The following DCAF5 variants were observed in gnomAD, a reference collection of about 807,000 sequenced individuals.
DCAF5 encodes DDB1- and CUL4-associated factor 5.
In DCAF5, 9 loss-of-function variants were observed where a neutral mutation model predicts 80.7. The observed-to-expected ratio is 0.11, with a 90% CI of 0.07 to 0.19. DCAF5 has a LOEUF of 0.19. Ranked by LOEUF, DCAF5 falls within the 10% of genes least tolerant of loss-of-function variation. The pLI is 1.00. For missense variants in DCAF5, 842 were observed against 1,205.7 expected (o/e 0.70, Z 4.47); for synonymous variants, 433 against 461.9 (o/e 0.94, Z 0.80).
intron 3 of DCAF5, 192 bp downstream of exon 3, chr14:69,119,002 C>CA (rs1245413215): frequency 1.7e-5 from 10 of 572,940 alleles, no homozygotes; most frequent in African/African-American, 1.7e-4. Context: ...TCAAAACTTT[C>CA]AAATCCCTTT....
At chr14:69,124,107 CATA>C (rs575175163) in intron 1 of DCAF5, among the ~76,000 whole-genome samples, 1 of 152,302 alleles carries the variant, frequency 6.6e-6, no homozygotes, top group Admixed American at 6.5e-5. Flanking sequence ...ACTCCCTTAG[CATA>C]ATGTCTTCAA....
At chr14:69,132,969 T>C (rs943797399) in intron 1 of DCAF5, among the ~76,000 whole-genome samples, 11 of 152,208 alleles carry the variant, frequency 7.2e-5, no homozygotes, top group African/African-American at 2.2e-4. Context: ...ATTAATGAGA[T>C]AGATCTGTGT....
chr14:69,106,471 C>T (rs537987438), intron 5 of DCAF5, among the ~76,000 whole-genome samples: 1 of 152,194 alleles, frequency 6.6e-6, no homozygotes, highest in South Asian at 2.1e-4. Context: ...TGGGCTCAAG[C>T]GATCCTCCTG....
intron 7 of DCAF5, among the ~76,000 whole-genome samples, chr14:69,071,899 C>T (rs1459433537): frequency 1.3e-5 from 2 of 152,146 alleles, no homozygotes; most frequent in East Asian, 3.8e-4. Flanking sequence ...GTCCTGAAGC[C>T]ATGTTGAAGA....
rs993158568 is a variant in DCAF5 at position 69,053,705 on chromosome 14, T to C, written c.*152A>G. ...AGACATTCAGACCCGTTGTTGAATGTTGGATAGAAGGGAGCAGCATCAGAC... is the reference window on the plus strand; with the variant it reads ...AGACATTCAGACCCGTTGTTGAATGCTGGATAGAAGGGAGCAGCATCAGAC... On this transcript the variant is annotated 3_prime_UTR_variant, in exon 9 of 9. Transcript: ENST00000341516. 4.4e-6 allele frequency: 3 copies of C among 683,706 alleles called. No homozygotes were observed. The highest frequency in any genetic ancestry group is 4.2e-5 in the South Asian group (2 of 47,888). 42.4% of individuals were successfully genotyped at this position (683,706 alleles called of 1,614,324 possible).
chr14:69,136,431 A>G (rs1420417686), intron 1 of DCAF5, among the ~76,000 whole-genome samples: 1 of 152,106 alleles, frequency 6.6e-6, no homozygotes, highest in Non-Finnish European at 1.5e-5. Context: ...TTTTCTTTAT[A>G]TACTTCAGCT....
chr14:69,109,833 T>C (rs1282761880), intron 5 of DCAF5, among the ~76,000 whole-genome samples: 2 of 152,216 alleles, frequency 1.3e-5, no homozygotes, highest in African/African-American at 4.8e-5. Flanking sequence ...CTCTTAGATA[T>C]ACTTAAGAGT....
intron 5 of DCAF5, among the ~76,000 whole-genome samples, chr14:69,094,044 T>G (rs555194631): frequency 6.6e-6 from 1 of 152,146 alleles, no homozygotes; most frequent in East Asian, 1.9e-4. Context: ...TCAAAAACAA[T>G]GAGAGGCTTT....
At chr14:69,098,149 T>TCTC (rs57794177) in intron 5 of DCAF5, among the ~76,000 whole-genome samples, 1 of 150,474 alleles carries the variant, frequency 6.6e-6, no homozygotes, top group Non-Finnish European at 1.5e-5. Flanking sequence ...AGGACTCTCT[T>TCTC]ACCTTATTCA....
chr14:69,127,854 C>T (rs2040923704), intron 1 of DCAF5, among the ~76,000 whole-genome samples: 1 of 152,084 alleles, frequency 6.6e-6, no homozygotes, highest in African/African-American at 2.4e-5. Context: ...AATCCTTCTA[C>T]CAGTAATAAT....
chr14:69,060,537 C>T (rs2038167953), intron 8 of DCAF5, among the ~76,000 whole-genome samples: 1 of 147,654 alleles, frequency 6.8e-6, no homozygotes, highest in Admixed American at 6.8e-5. Flanking sequence ...TATTATATTT[C>T]TTTTTTTTTT....
chr14:69,144,400 G>A (rs977586986), intron 1 of DCAF5, among the ~76,000 whole-genome samples: 12 of 151,862 alleles, frequency 7.9e-5, no homozygotes, highest in Non-Finnish European at 1.3e-4. Context: ...GTGAAACCCC[G>A]TCTCTACTAA....
chr14:69,087,100 CCAG>C (rs1352365932), intron 6 of DCAF5, among the ~76,000 whole-genome samples: 1 of 152,168 alleles, frequency 6.6e-6, no homozygotes, highest in African/African-American at 2.4e-5. Flanking sequence ...GACTTGCTTA[CCAG>C]AAGCCTGAGC....
chr14:69,096,477 T>G (rs567008609), intron 5 of DCAF5, among the ~76,000 whole-genome samples: 3 of 152,374 alleles, frequency 2.0e-5, no homozygotes, highest in Non-Finnish European at 2.9e-5. Flanking sequence ...CTTGACTAAA[T>G]TTCTGTAAAG....
intron 1 of DCAF5, among the ~76,000 whole-genome samples, chr14:69,139,952 G>T (rs1353262332): frequency 6.6e-6 from 1 of 151,396 alleles, no homozygotes; most frequent in Non-Finnish European, 1.5e-5. Context: ...GAAAGGGAAG[G>T]AAAGGAGAAA....
Position 69,118,113 on chromosome 14 carries a change from A to T in DCAF5, c.535+26T>A. On this transcript the variant is annotated intron_variant, in intron 4 of 8. Coordinates refer to ENST00000341516, the MANE Select transcript of DCAF5 (RefSeq NM_003861.3). The surrounding 1 kb of genome is among the most constrained non-coding windows in gnomAD (Gnocchi z 4.0). ...GACATCAAACTGTTCAACACAGTCCAACAGTCATTTGCACAGTGAGCCTAC... is the reference window on the plus strand; with the variant it reads ...GACATCAAACTGTTCAACACAGTCCTACAGTCATTTGCACAGTGAGCCTAC... The T allele has an allele frequency of 6.2e-7, 1 of 1,613,524 alleles. No individual in the cohort carries two copies. The highest frequency in any genetic ancestry group is 8.5e-7 in the Non-Finnish European group (1 of 1,179,596).
At chr14:69,097,083 GC>G (rs1314559064) in intron 5 of DCAF5, among the ~76,000 whole-genome samples, 1 of 152,102 alleles carries the variant, frequency 6.6e-6, no homozygotes, top group Non-Finnish European at 1.5e-5. Flanking sequence ...AGGTGACAAG[GC>G]CACAAAGCTA....
chr14:69,129,497 G>C (rs1433801029), intron 1 of DCAF5, among the ~76,000 whole-genome samples: 1 of 152,198 alleles, frequency 6.6e-6, no homozygotes, highest in Non-Finnish European at 1.5e-5. Context: ...CAAAGCAAAC[G>C]AGGGCTGGTG....
chr14:69,122,445 T>C (rs1308633036), intron 1 of DCAF5, 85 bp from the exon 2 acceptor site: 2 of 1,444,898 alleles, frequency 1.4e-6, no homozygotes, highest in Admixed American at 3.8e-5. Flanking sequence ...AATCCCATCC[T>C]TTCCAAAACT....
Sources: gnomAD v4.1 joint callset for allele counts (sites outside exome capture counted in the v4.1 genomes callset) on GRCh38, gnomAD v4.1.1 for gene constraint, Gnocchi (gnomAD v3.1) non-coding constraint, MANE v1.5 for transcripts, NCBI Gene and HGNC (gene_info 2026-07-23, HGNC 2026-07-21) for gene names.